The following JDP2 variants were observed in gnomAD, a reference collection of about 807,000 sequenced individuals.
The protein encoded by JDP2 is progesterone receptor co-activator.
JDP2 carries 9 observed loss-of-function variants against 17.1 expected under a neutral mutation model. The observed-to-expected ratio is 0.53, with a 90% confidence interval of 0.32 to 0.92. The LOEUF (loss-of-function observed/expected upper bound fraction) is 0.92, where lower values mean the gene tolerates loss of function less well. JDP2 is among the 40% of genes least tolerant of loss of function. JDP2 has a pLI of 0.04. For missense variants in JDP2, 179 were observed against 220.0 expected (o/e 0.81, Z 1.18); for synonymous variants, 107 against 95.6 (o/e 1.12, Z -0.69).
At chr14:75,445,448 G>T in intron 2 of JDP2, 1 of 985,286 alleles carries the variant, frequency 1.0e-6, no homozygotes, top group Non-Finnish European at 1.2e-6. Flanking sequence ...CTCCTCCGTG[G>T]TTTGCCTCTG....
chr14:75,469,185 C>A, intron 3 of JDP2, 105 bp from the exon 4 acceptor site: 1 of 1,028,100 alleles, frequency 9.7e-7, no homozygotes, highest in Non-Finnish European at 1.4e-6. Flanking sequence ...CTGCAGAAAA[C>A]AGGCCAGTGC....
At chr14:75,459,563 C>T (rs1886262176) in intron 2 of JDP2, among the ~76,000 whole-genome samples, 1 of 152,186 alleles carries the variant, frequency 6.6e-6, no homozygotes, top group African/African-American at 2.4e-5. Flanking sequence ...TGTCCTGAGC[C>T]CCCAGAGCAT....
Position 75,461,492 on chromosome 14 carries a change from C to T in JDP2, c.268C>T (p.Arg90Trp), listed in dbSNP as rs1384930061. The change falls in exon 3 of 4, where the codon CGG (arginine) becomes TGG (tryptophan). Residue 90 changes from arginine to tryptophan, a missense_variant. Coordinates refer to ENST00000651602, the MANE Select transcript of JDP2 (RefSeq NM_001135048.2). The part of the protein sequence containing the change: ...EKNKVAAARC[R>W]NKKKERTEFL... ...GAACAAAGTCGCAGCAGCCCGATGC[C>T]GGAACAAGAAGAAGGAGCGCACGGA... The T allele has an allele frequency of 2.5e-6, 4 of 1,609,762 alleles. No individual in the cohort carries two copies. The highest frequency in any genetic ancestry group is 2.5e-6 in the Non-Finnish European group (3 of 1,178,890).
rs10057 is a variant in JDP2, at chr14:75,470,319, G to A, written c.*844G>A. The A allele has an allele frequency of 0.3, 44,835 of 151,188 alleles. 7,177 individuals are homozygous for A. The highest frequency in any genetic ancestry group is 0.42 in the East Asian group (2,171 of 5,140). The allele number at this position is 151,188 out of a possible 1,614,324, so 9.4% of individuals were successfully genotyped here. On this transcript the variant is annotated 3_prime_UTR_variant, in exon 4 of 4. Transcript: ENST00000651602. The stretch of plus-strand genomic sequence containing the variant: ...GAACAGATAGCCACCAGTTACGGCC[G>A]TTGTGTGTAACTCCTAAGTACTGTA...
At chr14:75,457,343 G>A (rs1886158053) in intron 2 of JDP2, among the ~76,000 whole-genome samples, 2 of 152,276 alleles carry the variant, frequency 1.3e-5, no homozygotes, top group South Asian at 4.1e-4. Context: ...GCCCCAAGAA[G>A]GGCTGGGGAG....
chr14:75,458,419 G>A (rs774125793), intron 2 of JDP2, among the ~76,000 whole-genome samples: 22 of 152,142 alleles, frequency 1.4e-4, no homozygotes, highest in Non-Finnish European at 2.8e-4. Flanking sequence ...AGAACATGCC[G>A]TATTTGGTTT....
In JDP2 at chr14:75,445,260, G is replaced by A. The variant is rs1261571899; in HGVS notation, c.201+7139G>A. 5.1e-6 allele frequency: 5 copies of A among 985,486 alleles called. No individual in the cohort carries two copies. In the East Asian group the frequency reaches 4.5e-4, roughly 89 times the overall value. The allele number at this position is 985,486 out of a possible 1,614,324, so 61.0% of individuals were successfully genotyped here. The stretch of plus-strand genomic sequence containing the variant: ...GCATGGAGATCTAGAGGAACTCATG[G>A]ATGGATTCAGGCGGGATGTGAAAGT... On this transcript the variant is annotated intron_variant, in intron 2 of 3. Transcript: ENST00000651602.
At chr14:75,450,141 C>G (rs969145103) in intron 2 of JDP2, among the ~76,000 whole-genome samples, 1 of 152,154 alleles carries the variant, frequency 6.6e-6, no homozygotes, top group Non-Finnish European at 1.5e-5. Flanking sequence ...GGCTGAGATA[C>G]GAGGAGACTG....
chr14:75,451,039 A>C, intron 2 of JDP2, among the ~76,000 whole-genome samples: 1 of 152,164 alleles, frequency 6.6e-6, no homozygotes, highest in East Asian at 1.9e-4. Flanking sequence ...AGTGTATGGT[A>C]TATGGCACCT....
intron 3 of JDP2, among the ~76,000 whole-genome samples, chr14:75,465,372 C>T (rs1886525695): frequency 6.6e-6 from 1 of 152,178 alleles, no homozygotes; most frequent in Non-Finnish European, 1.5e-5. Flanking sequence ...CACTTTGTCA[C>T]CCAGGCTGGA....
rs1290838939 is a variant in JDP2, at chr14:75,428,200, T to C, written c.-76T>C. 1 of 145,196 alleles carries C rather than the reference T, an allele frequency of 6.9e-6. No individual in the cohort carries two copies. Among genetic ancestry groups the C allele is most frequent in the African/African-American group, 2.5e-5 (1 of 40,444 alleles). The allele number at this position is 145,196 out of a possible 1,614,324, so 9.0% of individuals were successfully genotyped here. On this transcript the variant is annotated 5_prime_UTR_variant, in exon 1 of 4. Coordinates refer to ENST00000651602, the MANE Select transcript of JDP2 (RefSeq NM_001135048.2). The surrounding 1 kb of genome is among the most constrained non-coding windows in gnomAD (Gnocchi z 5.6). Reference sequence around the variant, plus strand: ...AGCGGCGCGGAGCGGGCACGGCGCCTGCAGCCGGGCCCCGGCCCCGGGGGC... The same window carrying C: ...AGCGGCGCGGAGCGGGCACGGCGCCCGCAGCCGGGCCCCGGCCCCGGGGGC...
rs748707198 is a variant in JDP2 at position 75,437,986 on chromosome 14, G to T, written c.66G>T (p.Leu22=). The change falls in exon 2 of 4, where the codon CTG becomes CTT. Residue 22 remains leucine, a synonymous_variant. Transcript: ENST00000651602. The stretch of plus-strand genomic sequence containing the variant: ...GCTCCCTGCCAGGGCTTGGCCCCCT[G>T]ACCGGGCTCCCCAGCTCGGCCCTGA... ...TTGSLPGLGP[L]TGLPSSALTV... The T allele has an allele frequency of 2.5e-6, 4 of 1,613,672 alleles. No homozygotes were observed. The South Asian group carries it at 4.4e-5, about 18-fold the overall frequency.
intron 2 of JDP2, among the ~76,000 whole-genome samples, chr14:75,446,594 C>G (rs1483797116): frequency 1.3e-5 from 2 of 152,080 alleles, no homozygotes; most frequent in African/African-American, 4.8e-5. Context: ...GATGAAATGT[C>G]CAGAATAGGC....
intron 2 of JDP2, among the ~76,000 whole-genome samples, chr14:75,454,433 G>A (rs896837419): frequency 3.9e-5 from 6 of 152,152 alleles, no homozygotes; most frequent in Admixed American, 3.3e-4. Context: ...ATAGAGCTGT[G>A]CTGGGTGACT....
At chr14:75,454,026 A>T (rs1292238853) in intron 2 of JDP2, among the ~76,000 whole-genome samples, 2 of 152,048 alleles carry the variant, frequency 1.3e-5, no homozygotes, top group Non-Finnish European at 2.9e-5. Context: ...CCTGCAAGCT[A>T]TGTTTTTGAA....
chr14:75,468,332 C>G (rs886735746), intron 3 of JDP2, among the ~76,000 whole-genome samples: 2 of 152,166 alleles, frequency 1.3e-5, no homozygotes, highest in Admixed American at 6.5e-5. Flanking sequence ...CAGACATTGC[C>G]AAATGTCTCC....
chr14:75,444,958 G>GC, intron 2 of JDP2: 1 of 257,070 alleles, frequency 3.9e-6, no homozygotes, highest in South Asian at 1.5e-4. Context: ...GCTGCCTTCT[G>GC]TGACCCCTTA....
rs74719819 is a variant in JDP2, at chr14:75,431,412, T to G, written c.-24+3160T>G. On this transcript the variant is annotated intron_variant, in intron 1 of 3. Transcript: ENST00000651602. ...TCACGGCTGCCAGTGTTCAGTGGCTTCTCTTGAACCCAGCTACCGCTCCTT... is the reference window on the plus strand; with the variant it reads ...TCACGGCTGCCAGTGTTCAGTGGCTGCTCTTGAACCCAGCTACCGCTCCTT... 7.2e-3 allele frequency among the ~76,000 whole-genome samples: 1,090 copies of G among 152,314 alleles called. 15 individuals carry two copies. The highest frequency in any genetic ancestry group is 0.025 in the African/African-American group (1,058 of 41,554).
At chr14:75,454,852 C>G (rs1943592593) in intron 2 of JDP2, among the ~76,000 whole-genome samples, 1 of 151,644 alleles carries the variant, frequency 6.6e-6, no homozygotes, top group South Asian at 2.1e-4. Flanking sequence ...GTCAGAGAGG[C>G]AGGAGGAGCC....
Sources: gnomAD v4.1 joint callset for allele counts (sites outside exome capture counted in the v4.1 genomes callset) on GRCh38, gnomAD v4.1.1 for gene constraint, Gnocchi (gnomAD v3.1) non-coding constraint, MANE v1.5 for transcripts, NCBI Gene and HGNC (gene_info 2026-07-23, HGNC 2026-07-21) for gene names.